Variants in PCDHA5 observed in about 807,000 individuals in gnomAD.
PCDHA5 encodes protocadherin alpha 5, also known as protocadherin alpha-5.
In PCDHA5, 43 loss-of-function variants were observed where a neutral mutation model predicts 61.6. The observed-to-expected ratio is 0.70, with a 90% CI of 0.55 to 0.90. The LOEUF (loss-of-function observed/expected upper bound fraction) is 0.90. PCDHA5 is among the 40% of genes least tolerant of loss of function. The pLI, the probability that PCDHA5 is intolerant of heterozygous loss-of-function variation, is 0.00. For synonymous variants in PCDHA5, 627 were observed against 543.9 expected (o/e 1.15, Z -2.13); for missense variants, 1,298 against 1,222.7 (o/e 1.06, Z -0.92).
chr5:140,858,118 C>T (rs267600398), intron 1 of PCDHA5: 1 of 1,597,724 alleles, frequency 6.3e-7, no homozygotes, highest in East Asian at 2.2e-5. Flanking sequence ...CCGAGGTGGC[C>T]CTGGTGGATG....
intron 1 of PCDHA5, among the ~76,000 whole-genome samples, chr5:140,917,358 C>T (rs2153543502): frequency 6.7e-6 from 1 of 149,798 alleles, no homozygotes; most frequent in East Asian, 1.9e-4. Flanking sequence ...GCTTCTGTTC[C>T]ACTATCTTGC....
intron 1 of PCDHA5, chr5:140,850,352 C>A: frequency 6.3e-7 from 1 of 1,597,824 alleles, no homozygotes; most frequent in Non-Finnish European, 8.6e-7. Context: ...CCAGCGCGAG[C>A]ATCCCGTTCC....
chr5:140,937,795 C>T (rs1472022589), intron 1 of PCDHA5, among the ~76,000 whole-genome samples: 1 of 151,670 alleles, frequency 6.6e-6, no homozygotes, highest in Non-Finnish European at 1.5e-5. Context: ...GTATGTAGTC[C>T]CAGCTACTCG....
chr5:140,869,469 G>T, intron 1 of PCDHA5: 1 of 1,614,210 alleles, frequency 6.2e-7, no homozygotes, highest in Non-Finnish European at 8.5e-7. Context: ...TGAACGTGGA[G>T]GTGAAGGACA....
In PCDHA5 at chr5:140,857,453, C is replaced by T. The variant is rs545328956; in HGVS notation, c.2352+33326C>T. 59 of 1,598,490 alleles carry T rather than the reference C, an allele frequency of 3.7e-5. 5 individuals carry two copies. The highest frequency in any genetic ancestry group is 5.1e-5 in the Non-Finnish European group (59 of 1,167,918). On this transcript the variant is annotated intron_variant, in intron 1 of 3. Coordinates refer to ENST00000529859, the MANE Select transcript of PCDHA5 (RefSeq NM_018908.3). ...GGTGTTCGTGAAGGAGAACAACCCG[C>T]CAGGCTGCCACATCTTCACGGTGTC...
In PCDHA5 at chr5:140,842,901, A is replaced by G. The variant is rs150252824; in HGVS notation, c.2352+18774A>G. ...GCGCTGCAGCCGCTGGACCACGAGG[A>G]GCTAGAGCTGCTGCAGTTCCAGGTG... On this transcript the variant is annotated intron_variant, in intron 1 of 3. Transcript: ENST00000529859. 211 of 1,594,012 alleles carry G rather than the reference A, an allele frequency of 1.3e-4. 20 individuals carry two copies. Among genetic ancestry groups the G allele is most frequent in the Non-Finnish European group, 1.7e-4 (198 of 1,165,384 alleles).
intron 1 of PCDHA5, among the ~76,000 whole-genome samples, chr5:140,911,737 G>A (rs187858302): frequency 3.4e-4 from 51 of 152,238 alleles, no homozygotes; most frequent in African/African-American, 9.9e-4. Flanking sequence ...TTCGTGCCAA[G>A]GACTATCAGT....
chr5:140,897,349 A>G (rs539353387), intron 1 of PCDHA5, among the ~76,000 whole-genome samples: 33 of 107,320 alleles, frequency 3.1e-4, no homozygotes, highest in African/African-American at 1.0e-3. Flanking sequence ...CCACCCCACA[A>G]CTGTCCCCAG....
intron 1 of PCDHA5, among the ~76,000 whole-genome samples, chr5:140,921,612 TATC>T (rs2080294560): frequency 6.6e-6 from 1 of 152,158 alleles, no homozygotes; most frequent in Non-Finnish European, 1.5e-5. Flanking sequence ...ATAAGAAAAA[TATC>T]ATCAGATCAT....
At chr5:140,830,445 A>G in intron 1 of PCDHA5, 4 of 1,603,790 alleles carry the variant, frequency 2.5e-6, no homozygotes, top group Non-Finnish European at 3.4e-6. Context: ...ATGATGGGTA[A>G]GGCGGAGAAT....
chr5:140,843,293 G>T, intron 1 of PCDHA5: 1 of 1,595,972 alleles, frequency 6.3e-7, no homozygotes, highest in East Asian at 2.2e-5. Context: ...TGGTGAACCT[G>T]CGCTGACCGC....
At chr5:140,876,475 A>G (rs1385416022) in intron 1 of PCDHA5, 1 of 1,614,054 alleles carries the variant, frequency 6.2e-7, no homozygotes, top group Non-Finnish European at 8.5e-7. Context: ...AGGTCACAGC[A>G]TGGTCCTGGT....
At chr5:140,927,854 C>T (rs1047804872) in intron 1 of PCDHA5, 1 of 1,614,222 alleles carries the variant, frequency 6.2e-7, no homozygotes, top group South Asian at 1.1e-5. Flanking sequence ...TTTGGTTTAG[C>T]TAGCACCGCT....
At position 140,823,245 on chromosome 5, in the gene PCDHA5, C is replaced by T. The variant is rs2150123911; in HGVS notation, c.1470C>T (p.Ser490=). 8 of 1,613,492 alleles carry T rather than the reference C, an allele frequency of 5.0e-6. No individual in the cohort carries two copies. The Admixed American group carries it at 8.3e-5, about 17-fold the overall frequency. The change falls in exon 1 of 4, where the codon TCC becomes TCT. Residue 490 remains serine (S), a synonymous_variant. Transcript: ENST00000529859. ...DADAQENALV[S]YSLVERRVGE... Reference sequence around the variant, plus strand: ...ACGCGCAGGAGAACGCCCTGGTGTCCTACTCGCTGGTGGAGCGGCGGGTGG... The same window carrying T: ...ACGCGCAGGAGAACGCCCTGGTGTCTTACTCGCTGGTGGAGCGGCGGGTGG...
At chr5:140,969,363 C>G (rs367871893) in intron 1 of PCDHA5, 4 of 1,610,614 alleles carry the variant, frequency 2.5e-6, no homozygotes, top group East Asian at 4.5e-5. Flanking sequence ...CTTCTACAAA[C>G]TCATGCATTT....
intron 1 of PCDHA5, among the ~76,000 whole-genome samples, chr5:140,956,723 A>G (rs536528599): frequency 6.6e-6 from 1 of 152,166 alleles, no homozygotes; most frequent in Non-Finnish European, 1.5e-5. Context: ...AAGAATTGGT[A>G]CCAGCTCCTC....
At chr5:140,864,008 A>G (rs1481887604) in intron 1 of PCDHA5, 3 of 153,088 alleles carry the variant, frequency 2.0e-5, no homozygotes, top group African/African-American at 7.2e-5. Flanking sequence ...CTTAAAAAAA[A>G]AAGTACATTG....
Position 140,823,423 on chromosome 5 carries a change from C to T in PCDHA5, c.1648C>T (p.Leu550=), listed in dbSNP as rs2150125747. 8.7e-6 allele frequency: 14 copies of T among 1,613,304 alleles called. No homozygotes were observed. Among genetic ancestry groups the T allele is most frequent in the Non-Finnish European group, 1.1e-5 (13 of 1,179,798 alleles). The change falls in exon 1 of 4, where the codon CTG becomes TTG. Residue 550 remains leucine, a synonymous_variant. Coordinates refer to ENST00000529859, the MANE Select transcript of PCDHA5 (RefSeq NM_018908.3). ...GCCGCCTCTGGGCAGCAACGTGACG[C>T]TGCAGGTGTTCGTGCTGGACGAGAA... is the stretch of plus-strand genomic sequence containing the variant. ...GVPPLGSNVT[L]QVFVLDENDN...
intron 1 of PCDHA5, among the ~76,000 whole-genome samples, chr5:140,953,877 ACCCATCAC>A (rs1252251050): frequency 6.6e-6 from 1 of 152,098 alleles, no homozygotes; most frequent in Non-Finnish European, 1.5e-5. Context: ...GCACAGATCA[ACCCATCAC>A]CTAGGTATTA....
Sources: gnomAD v4.1 joint callset for allele counts (sites outside exome capture counted in the v4.1 genomes callset) on GRCh38, gnomAD v4.1.1 for gene constraint, MANE v1.5 for transcripts, NCBI Gene and HGNC (gene_info 2026-07-23, HGNC 2026-07-21) for gene names.